The following LGSN variants were observed in gnomAD, a reference collection of about 807,000 sequenced individuals.
The protein encoded by LGSN is lengsin.
In LGSN, 21 loss-of-function variants were observed where a neutral mutation model predicts 19.5. The ratio of observed to expected loss-of-function variants is 1.07; its 90% CI spans 0.76 to 1.55. LGSN has a LOEUF of 1.55. LGSN is among the 40% of genes most tolerant of loss of function. LGSN has a pLI of 0.00. For missense variants in LGSN, 673 were observed against 608.5 expected, an observed-to-expected ratio of 1.11 and a Z score of -1.12; for synonymous variants, 257 against 215.6, an observed-to-expected ratio of 1.19 and a Z score of -1.68.
the LGSN span, among the ~76,000 whole-genome samples, chr6:63,356,918 T>G: frequency 6.6e-6 from 1 of 152,048 alleles, no homozygotes; most frequent in Non-Finnish European, 1.5e-5. Flanking sequence ...GCCATGTTGG[T>G]ATGCTGCACC....
the LGSN span, among the ~76,000 whole-genome samples, chr6:63,394,284 A>G: frequency 8.1e-3 from 1,234 of 152,286 alleles, 17 homozygotes; most frequent in South Asian, 0.036. Flanking sequence ...ATAATAATTA[A>G]TAAGAAAACA....
the LGSN span, among the ~76,000 whole-genome samples, chr6:63,490,601 G>A: frequency 6.6e-6 from 1 of 151,872 alleles, no homozygotes; most frequent in South Asian, 2.1e-4. Context: ...TTTTGAGACA[G>A]AGTCTCATTC....
At chr6:63,368,545 G>A in the LGSN span, among the ~76,000 whole-genome samples, 2 of 152,118 alleles carry the variant, frequency 1.3e-5, no homozygotes, top group African/African-American at 2.4e-5. Context: ...CACCTTTTCA[G>A]TAATTGTTTC....
the LGSN span, among the ~76,000 whole-genome samples, chr6:63,561,489 C>T: frequency 6.6e-6 from 1 of 152,190 alleles, no homozygotes; most frequent in African/African-American, 2.4e-5. Context: ...TATCTTTAGA[C>T]CTTTCTATTC....
chr6:63,315,459 C>T (rs928644181), intron 1 of LGSN, among the ~76,000 whole-genome samples: 1 of 152,076 alleles, frequency 6.6e-6, no homozygotes, highest in Admixed American at 6.6e-5. Flanking sequence ...TGTAGCTTTA[C>T]TCTATAAATT....
At chr6:63,485,107 GGGTTGTACA>G in the LGSN span, among the ~76,000 whole-genome samples, 3 of 151,834 alleles carry the variant, frequency 2.0e-5, no homozygotes, top group South Asian at 4.2e-4. Flanking sequence ...GTATCATGGG[GGGTTGTACA>G]GATTATTTCA....
the LGSN span, among the ~76,000 whole-genome samples, chr6:63,376,482 C>T: frequency 6.6e-6 from 1 of 152,194 alleles, no homozygotes; most frequent in Non-Finnish European, 1.5e-5. Context: ...TCTACTGATG[C>T]TGACATCTAG....
At chr6:63,498,925 G>A in the LGSN span, among the ~76,000 whole-genome samples, 1 of 152,056 alleles carries the variant, frequency 6.6e-6, no homozygotes, top group Admixed American at 6.6e-5. Flanking sequence ...ACTTACCTGA[G>A]CTTACATGGA....
chr6:63,299,914 C>T (rs1388166043), intron 1 of LGSN, among the ~76,000 whole-genome samples: 6 of 152,146 alleles, frequency 3.9e-5, no homozygotes, highest in African/African-American at 1.4e-4. Context: ...CTGCTTCTGT[C>T]AAATTTTGAT....
At chr6:63,456,346 A>AATATATATATATATATATAT in the LGSN span, among the ~76,000 whole-genome samples, 2 of 100,524 alleles carry the variant, frequency 2.0e-5, no homozygotes, top group African/African-American at 4.4e-5. Context: ...ACTTGGCAGA[A>AATATATATATATATATATAT]ATATACATAT....
chr6:63,414,105 A>G, the LGSN span, among the ~76,000 whole-genome samples: 1 of 152,198 alleles, frequency 6.6e-6, no homozygotes. Flanking sequence ...TGATCAAGTC[A>G]CAACATCTTA....
chr6:63,486,641 T>TCATCCA, the LGSN span, among the ~76,000 whole-genome samples: 1 of 150,926 alleles, frequency 6.6e-6, no homozygotes, highest in Admixed American at 6.6e-5. Flanking sequence ...TAATATCCAC[T>TCATCCA]CATCCACCTC....
intron 1 of LGSN, among the ~76,000 whole-genome samples, chr6:63,311,011 T>C (rs75610459): frequency 0.033 from 4,953 of 152,206 alleles, 268 homozygotes; most frequent in African/African-American, 0.11. Context: ...GCCTTGAGCA[T>C]CTCAAAAAAC....
chr6:63,433,305 C>A, the LGSN span, among the ~76,000 whole-genome samples: 2 of 152,128 alleles, frequency 1.3e-5, no homozygotes, highest in South Asian at 2.1e-4. Flanking sequence ...ATCTTAAGGG[C>A]TTTAGATGAA....
chr6:63,355,376 A>T, the LGSN span, among the ~76,000 whole-genome samples: 1 of 152,202 alleles, frequency 6.6e-6, no homozygotes, highest in Non-Finnish European at 1.5e-5. Flanking sequence ...CTCTTTCCTC[A>T]TGGTAATTAG....
At chr6:63,467,191 T>C in the LGSN span, among the ~76,000 whole-genome samples, 1 of 152,172 alleles carries the variant, frequency 6.6e-6, no homozygotes, top group African/African-American at 2.4e-5. Flanking sequence ...TGAATTGTTC[T>C]TTATTTCTTT....
chr6:63,519,291 A>G, the LGSN span, among the ~76,000 whole-genome samples: 1 of 151,988 alleles, frequency 6.6e-6, no homozygotes, highest in Non-Finnish European at 1.5e-5. Context: ...TGGGTGACAA[A>G]GGCGAAACTC....
the LGSN span, among the ~76,000 whole-genome samples, chr6:63,373,406 A>G: frequency 1.3e-5 from 2 of 152,170 alleles, no homozygotes; most frequent in Admixed American, 1.3e-4. Context: ...GGTAACTCCT[A>G]ATATGCTACA....
chr6:63,394,831 C>T, the LGSN span, among the ~76,000 whole-genome samples: 2 of 152,210 alleles, frequency 1.3e-5, no homozygotes, highest in Non-Finnish European at 1.5e-5. Context: ...GCAGCTGCCA[C>T]GGCCTCTGAC....
Sources: gnomAD v4.1 joint callset for allele counts (sites outside exome capture counted in the v4.1 genomes callset) on GRCh38, gnomAD v4.1.1 for gene constraint, MANE v1.5 for transcripts, NCBI Gene and HGNC (gene_info 2026-07-23, HGNC 2026-07-21) for gene names.